The following RIMS2 variants were observed in gnomAD, a reference collection of about 807,000 sequenced individuals.
The protein encoded by RIMS2 is regulating synaptic membrane exocytosis 2, also known as regulating synaptic membrane exocytosis protein 2.
Under a neutral mutation model 174.4 loss-of-function variants are expected in RIMS2, and 59 were observed. That is an observed-to-expected ratio of 0.34 (90% confidence interval 0.27 to 0.42). The LOEUF is 0.42. Among genes scored for constraint, RIMS2 ranks in the 10% least tolerant of loss-of-function variants. The probability of loss-of-function intolerance (pLI) is 1.00; values close to 1 mark genes in which losing one functional copy is unlikely to be tolerated. For missense variants in RIMS2, 1,620 were observed against 1,666.3 expected (o/e 0.97, Z 0.48); for synonymous variants, 606 against 572.5 (o/e 1.06, Z -0.84).
intron 19 of RIMS2, among the ~76,000 whole-genome samples, chr8:104,063,638 G>A (rs535260238): frequency 2.6e-4 from 40 of 152,274 alleles, no homozygotes; most frequent in Non-Finnish European, 5.0e-4. Flanking sequence ...TTCTCCTGAA[G>A]TTTGGGGTTC....
chr8:104,147,817 A>C (rs933933845), intron 19 of RIMS2, among the ~76,000 whole-genome samples: 4 of 152,148 alleles, frequency 2.6e-5, no homozygotes, highest in Non-Finnish European at 5.9e-5. Flanking sequence ...ATCGTGGAAA[A>C]ATCCAAAGTC....
At chr8:103,982,110 T>G (rs2093954647) in intron 16 of RIMS2, among the ~76,000 whole-genome samples, 1 of 152,072 alleles carries the variant, frequency 6.6e-6, no homozygotes, top group African/African-American at 2.4e-5. Context: ...GGATAATTAG[T>G]GGCTGCTGTG....
chr8:104,169,242 CT>C (rs960391724), intron 19 of RIMS2, among the ~76,000 whole-genome samples: 3 of 148,452 alleles, frequency 2.0e-5, no homozygotes, highest in Non-Finnish European at 4.5e-5. Flanking sequence ...ACCAATTTGT[CT>C]TTGAATGTCT....
chr8:104,057,225 C>G (rs1412546997), intron 19 of RIMS2, among the ~76,000 whole-genome samples: 1 of 151,886 alleles, frequency 6.6e-6, no homozygotes, highest in Non-Finnish European at 1.5e-5. Flanking sequence ...TGCTACCGCC[C>G]CCAGCTAAAT....
chr8:104,205,358 T>G (rs2099074887), intron 19 of RIMS2, among the ~76,000 whole-genome samples: 1 of 152,214 alleles, frequency 6.6e-6, no homozygotes, highest in Non-Finnish European at 1.5e-5. Flanking sequence ...TGTAATTACT[T>G]TCTGGCTTGA....
At chr8:103,651,409 C>T (rs1375737056) in intron 1 of RIMS2, among the ~76,000 whole-genome samples, 3 of 152,058 alleles carry the variant, frequency 2.0e-5, no homozygotes, top group African/African-American at 7.3e-5. Flanking sequence ...TAGCTTTCCA[C>T]AACTGTCTAC....
chr8:103,616,675 C>T (rs1380355539), intron 1 of RIMS2, among the ~76,000 whole-genome samples: 1 of 152,062 alleles, frequency 6.6e-6, no homozygotes, highest in Admixed American at 6.5e-5. Context: ...AACAAAGTTG[C>T]AGGATACAAA....
intron 20 of RIMS2, 111 bp from the exon 27 acceptor site, chr8:104,248,590 A>G (rs1271410207): frequency 3.0e-6 from 2 of 670,822 alleles, no homozygotes; most frequent in Non-Finnish European, 5.5e-6. Flanking sequence ...AATATAAGTG[A>G]CAAAATAATA....
chr8:103,544,986 T>C (rs1057416516), intron 1 of RIMS2, among the ~76,000 whole-genome samples: 3 of 152,198 alleles, frequency 2.0e-5, no homozygotes, highest in African/African-American at 7.2e-5. Context: ...AAAGCCAGTG[T>C]CTTCTTCCTT....
At chr8:103,766,588 T>C (rs1228637237) in intron 3 of RIMS2, 51 bp downstream of exon 6, 12 of 1,214,660 alleles carry the variant, frequency 9.9e-6, no homozygotes, top group Non-Finnish European at 1.2e-6. Context: ...TAGTCTTCAT[T>C]CCAAACAGAG....
exon 24 of RIMS2, chr8:104,251,837 G>A (rs768439039): frequency 2.4e-6 from 3 of 1,244,926 alleles, no homozygotes; most frequent in Non-Finnish European, 3.4e-6. Context: ...TAAAAAAATT[G>A]TTGTCACAGC....
chr8:104,166,718 T>TTTTATATTTATAACTGTATAAATA (rs2098800267), intron 19 of RIMS2, among the ~76,000 whole-genome samples: 1 of 151,574 alleles, frequency 6.6e-6, no homozygotes, highest in Non-Finnish European at 1.5e-5. Context: ...AGTTACACAG[T>TTTTATATTTATAACTGTATAAATA]TTTATATTTA....
intron 17 of RIMS2, among the ~76,000 whole-genome samples, chr8:104,005,331 A>G (rs2154552695): frequency 6.6e-6 from 1 of 152,312 alleles, no homozygotes; most frequent in Non-Finnish European, 1.5e-5. Flanking sequence ...AAATGTCTCT[A>G]GGGAGCCAGC....
chr8:104,080,228 G>A (rs983596095), intron 19 of RIMS2, among the ~76,000 whole-genome samples: 3 of 151,978 alleles, frequency 2.0e-5, no homozygotes, highest in African/African-American at 7.2e-5. Context: ...ACCTTATAAA[G>A]TGTTAAACAA....
At chr8:103,645,295 GAT>G (rs1305576952) in intron 1 of RIMS2, among the ~76,000 whole-genome samples, 1 of 151,914 alleles carries the variant, frequency 6.6e-6, no homozygotes, top group Non-Finnish European at 1.5e-5. Flanking sequence ...TTGCAAATAA[GAT>G]ATTACACTCT....
chr8:103,503,329 A>T lies in RIMS2; in HGVS notation c.176+2267A>T, dbSNP rs74858320. Among the ~76,000 whole-genome samples the T allele has an allele frequency of 6.3e-3, 959 of 152,070 alleles. 10 individuals carry two copies. Among genetic ancestry groups the T allele is most frequent in the Non-Finnish European group, 8.3e-3 (565 of 67,824 alleles). On this transcript the variant is annotated intron_variant, in intron 1 of 23. Coordinates refer to ENST00000504942, the Ensembl canonical transcript of RIMS2. ...TAACGAAAGAGTAGGCAAGGAAATG[A>T]AATGAATAGACTTTATAATGGAATT...
At chr8:104,094,392 TC>T in intron 19 of RIMS2, 1 of 573,302 alleles carries the variant, frequency 1.7e-6, no homozygotes, top group Non-Finnish European at 3.1e-6. Context: ...TTATTACCTT[TC>T]TGTTTAATTT....
chr8:103,748,738 C>A (rs1428442601), intron 2 of RIMS2, among the ~76,000 whole-genome samples: 4 of 151,814 alleles, frequency 2.6e-5, no homozygotes, highest in African/African-American at 9.7e-5. Context: ...TATAATTTAT[C>A]CTCTTCAGAA....
intron 3 of RIMS2, among the ~76,000 whole-genome samples, chr8:103,867,339 A>G (rs1389053779): frequency 1.3e-5 from 2 of 151,790 alleles, no homozygotes; most frequent in African/African-American, 4.8e-5. Context: ...ACATTTTGAA[A>G]TACTCATAGA....
Sources: allele counts gnomAD v4.1 joint callset (sites outside exome capture counted in the v4.1 genomes callset), GRCh38; gene constraint gnomAD v4.1.1; transcripts MANE v1.5; gene names NCBI Gene and HGNC (gene_info 2026-07-23, HGNC 2026-07-21).